Variants in RFX7 observed in about 807,000 individuals in gnomAD.
The protein encoded by RFX7 is regulatory factor X7, also known as DNA-binding protein RFX7.
Under a neutral mutation model 111.8 loss-of-function variants are expected in RFX7, and 26 were observed. The observed-to-expected ratio is 0.23, with a 90% confidence interval of 0.17 to 0.32. The LOEUF is 0.32. Among genes scored for constraint, RFX7 ranks in the 10% least tolerant of loss-of-function variants. The pLI, the probability that RFX7 is intolerant of heterozygous loss-of-function variation, is 1.00. For missense variants in RFX7, 1,573 were observed against 1,772.9 expected (o/e 0.89, Z 2.02); for synonymous variants, 624 against 624.4 (o/e 1.00, Z 0.01).
chr15:56,243,241 G>A lies in RFX7; in HGVS notation c.45C>T (p.Ala15=), dbSNP rs1351470344. Residue 15 remains alanine, a synonymous_variant, in exon 2 of 10, where the codon GCC becomes GCT. Coordinates refer to ENST00000559447, the MANE Select transcript of RFX7 (RefSeq NM_022841.7). ...QQQPPPQQPD[A]HQQLPPSAPN... The stretch of plus-strand genomic sequence containing the variant: ...GGGCGCTGGGGGGAAGCTGCTGATG[G>A]GCATCAGGCTGCTGTGGTGGCGGCT... 8 of 1,316,650 alleles carry A rather than the reference G, an allele frequency of 6.1e-6. No homozygotes were observed. The highest frequency in any genetic ancestry group is 8.0e-6 in the Non-Finnish European group (8 of 997,024). The allele number at this position is 1,316,650 out of a possible 1,614,324, so 81.6% of individuals were successfully genotyped here.
intron 2 of RFX7, among the ~76,000 whole-genome samples, chr15:56,209,294 A>C (rs2141194675): frequency 6.6e-6 from 1 of 152,014 alleles, no homozygotes; most frequent in African/African-American, 2.4e-5. Flanking sequence ...CAAGAGAAAA[A>C]AAAAAAACCC....
chr15:56,097,363 G>A (rs1169398577), intron 9 of RFX7, among the ~76,000 whole-genome samples: 2 of 151,948 alleles, frequency 1.3e-5, no homozygotes, highest in Admixed American at 6.6e-5. Context: ...GATAAGCCAC[G>A]GATAGGCCTA....
intron 2 of RFX7, among the ~76,000 whole-genome samples, chr15:56,180,358 C>CA (rs558912965): frequency 1.5e-4 from 22 of 151,340 alleles, no homozygotes; most frequent in Admixed American, 1.1e-3. Context: ...CTAAAAAGAG[C>CA]AAAAAAAAGT....
intron 2 of RFX7, among the ~76,000 whole-genome samples, chr15:56,230,046 G>A (rs140887097): frequency 3.9e-5 from 6 of 152,038 alleles, no homozygotes; most frequent in Non-Finnish European, 5.9e-5. Flanking sequence ...ACTCAAACAA[G>A]TTATCTTAGC....
chr15:56,103,776 CT>C, intron 5 of RFX7, 106 bp from the exon 6 acceptor site: 1 of 684,574 alleles, frequency 1.5e-6, no homozygotes, highest in Non-Finnish European at 2.5e-6. Context: ...AGCAAAGGAT[CT>C]TTCAAGTCAT....
At chr15:56,202,887 G>C (rs2043207373) in intron 2 of RFX7, among the ~76,000 whole-genome samples, 1 of 152,186 alleles carries the variant, frequency 6.6e-6, no homozygotes, top group South Asian at 2.1e-4. Flanking sequence ...CTGTTATTCT[G>C]ACAGGGCTTA....
Position 56,087,495 on chromosome 15 carries a change from G to A in RFX7, c.*5850C>T, listed in dbSNP as rs1349316201. Reference sequence around the variant, plus strand: ...ACATTTGCATTCCAGCCAGCAGAGAGGAAGGACAAGAACACTGCAAAGAAG... The same window carrying A: ...ACATTTGCATTCCAGCCAGCAGAGAAGAAGGACAAGAACACTGCAAAGAAG... On this transcript the variant is annotated 3_prime_UTR_variant, in exon 10 of 10. Transcript: ENST00000559447. 2.2e-6 allele frequency: 1 copy of A among 456,584 alleles called. No homozygotes were observed. Among genetic ancestry groups the A allele is most frequent in the Admixed American group, 2.4e-5 (1 of 42,550 alleles). 28.3% of individuals were successfully genotyped at this position (456,584 alleles called of 1,614,324 possible).
intron 2 of RFX7, among the ~76,000 whole-genome samples, chr15:56,237,890 T>A (rs1359548574): frequency 1.3e-5 from 2 of 152,188 alleles, no homozygotes; most frequent in Non-Finnish European, 2.9e-5. Context: ...AATACGGATA[T>A]GCAAAATGCA....
chr15:56,139,008 A>T (rs369436480), intron 5 of RFX7, among the ~76,000 whole-genome samples: 7 of 151,776 alleles, frequency 4.6e-5, no homozygotes, highest in East Asian at 1.9e-4. Flanking sequence ...TGGGCTTCCC[A>T]TTGAGGGTAA....
intron 2 of RFX7, among the ~76,000 whole-genome samples, chr15:56,241,736 AC>A (rs2043691850): frequency 1.3e-5 from 2 of 152,094 alleles, no homozygotes; most frequent in Non-Finnish European, 2.9e-5. Context: ...ACACACACAC[AC>A]ACCCCAATCA....
At chr15:56,230,354 T>C (rs1436413536) in intron 2 of RFX7, among the ~76,000 whole-genome samples, 1 of 152,242 alleles carries the variant, frequency 6.6e-6, no homozygotes, top group Admixed American at 6.5e-5. Flanking sequence ...GTGAAAGATA[T>C]GGGATTGGGA....
intron 5 of RFX7, among the ~76,000 whole-genome samples, chr15:56,140,705 C>T (rs139070437): frequency 6.6e-6 from 1 of 152,318 alleles, no homozygotes; most frequent in East Asian, 1.9e-4. Context: ...GTTCTCACTA[C>T]TCCTCCCAAA....
intron 4 of RFX7, among the ~76,000 whole-genome samples, chr15:56,143,499 C>T (rs1449221250): frequency 6.6e-6 from 1 of 151,986 alleles, no homozygotes; most frequent in African/African-American, 2.4e-5. Context: ...AAGCCAGGCC[C>T]CCTGCCTCAG....
chr15:56,119,814 C>A (rs1471972780), intron 5 of RFX7, among the ~76,000 whole-genome samples: 1 of 150,412 alleles, frequency 6.6e-6, no homozygotes, highest in Admixed American at 6.6e-5. Flanking sequence ...AAAACGAGTT[C>A]ACTGTAGATG....
intron 3 of RFX7, among the ~76,000 whole-genome samples, chr15:56,167,141 C>CA (rs1370387459): frequency 2.0e-5 from 3 of 151,780 alleles, no homozygotes; most frequent in Non-Finnish European, 4.4e-5. Context: ...CTCATCCATA[C>CA]AAAAAAACAA....
At chr15:56,168,414 G>T (rs1439387664) in intron 3 of RFX7, among the ~76,000 whole-genome samples, 1 of 152,162 alleles carries the variant, frequency 6.6e-6, no homozygotes, top group South Asian at 2.1e-4. Context: ...CAGTGTTAAA[G>T]TACTAGGGAT....
At chr15:56,211,724 G>GA (rs1388756607) in intron 2 of RFX7, among the ~76,000 whole-genome samples, 12 of 152,080 alleles carry the variant, frequency 7.9e-5, no homozygotes, top group Non-Finnish European at 1.5e-4. Context: ...ACAAAGACCT[G>GA]AATAGATACT....
At chr15:56,162,110 A>C (rs1354745492) in intron 3 of RFX7, among the ~76,000 whole-genome samples, 1 of 152,050 alleles carries the variant, frequency 6.6e-6, no homozygotes, top group Non-Finnish European at 1.5e-5. Flanking sequence ...CTTTCTAGTC[A>C]CTGTGTTTTT....
intron 2 of RFX7, among the ~76,000 whole-genome samples, chr15:56,185,349 G>A (rs921757175): frequency 6.6e-6 from 1 of 152,034 alleles, no homozygotes; most frequent in African/African-American, 2.4e-5. Context: ...AAGAATCTAT[G>A]TATCCTTTAA....
Sources: gnomAD v4.1 joint callset for allele counts (sites outside exome capture counted in the v4.1 genomes callset) on GRCh38, gnomAD v4.1.1 for gene constraint, MANE v1.5 for transcripts, NCBI Gene and HGNC (gene_info 2026-07-23, HGNC 2026-07-21) for gene names.